SLC8A1: variants seen among roughly 807,000 people sequenced by gnomAD.
The protein encoded by SLC8A1 is sodium/calcium exchanger 1.
In SLC8A1, 18 loss-of-function variants were observed where a neutral mutation model predicts 68.3. That is an observed-to-expected ratio of 0.26 (90% confidence interval 0.18 to 0.39). The LOEUF is 0.39. Among genes scored for constraint, SLC8A1 ranks in the 10% least tolerant of loss-of-function variants. The probability of loss-of-function intolerance (pLI) is 1.00; values close to 1 mark genes in which losing one functional copy is unlikely to be tolerated. For missense variants in SLC8A1, 985 were observed against 1,156.7 expected (o/e 0.85, Z 2.15); for synonymous variants, 475 against 415.5 (o/e 1.14, Z -1.74).
chr2:40,476,611 C>A (rs1364711253), intron 1 of SLC8A1, among the ~76,000 whole-genome samples: 1 of 152,074 alleles, frequency 6.6e-6, no homozygotes, highest in Non-Finnish European at 1.5e-5. Context: ...TTAGTCTGGG[C>A]AGAGGTCATG....
At chr2:40,430,902 C>T (rs1698135411) in intron 1 of SLC8A1, among the ~76,000 whole-genome samples, 1 of 152,128 alleles carries the variant, frequency 6.6e-6, no homozygotes, top group South Asian at 2.1e-4. Context: ...TCCTATTGCT[C>T]CACACTTACT....
chr2:40,185,272 C>T (rs1452395636), intron 2 of SLC8A1, among the ~76,000 whole-genome samples: 1 of 152,178 alleles, frequency 6.6e-6, no homozygotes, highest in Non-Finnish European at 1.5e-5. Flanking sequence ...AACATGTATT[C>T]ACACAAAAAC....
chr2:40,312,928 A>C (rs1272446988), intron 2 of SLC8A1, among the ~76,000 whole-genome samples: 3 of 152,082 alleles, frequency 2.0e-5, no homozygotes, highest in African/African-American at 7.2e-5. Flanking sequence ...CAATGCGATA[A>C]ATCTAATGGG....
chr2:40,152,954 A>G (rs1005795584), intron 6 of SLC8A1, among the ~76,000 whole-genome samples: 4 of 152,118 alleles, frequency 2.6e-5, no homozygotes, highest in Admixed American at 2.6e-4. Flanking sequence ...AGCCTGGGCA[A>G]TGGAGGAGAC....
At chr2:40,473,118 T>A (rs1337133253) in intron 1 of SLC8A1, among the ~76,000 whole-genome samples, 1 of 152,042 alleles carries the variant, frequency 6.6e-6, no homozygotes, top group African/African-American at 2.4e-5. Flanking sequence ...GAGTATAGTG[T>A]TCCCTGGCTG....
intron 1 of SLC8A1, among the ~76,000 whole-genome samples, chr2:40,482,639 C>T (rs1031229991): frequency 5.9e-5 from 9 of 152,102 alleles, no homozygotes; most frequent in Non-Finnish European, 1.3e-4. Flanking sequence ...TGGTAAGTGG[C>T]AGAGTGGGGA....
intron 4 of SLC8A1, among the ~76,000 whole-genome samples, chr2:40,167,739 C>G (rs7607992): frequency 0.17 from 25,288 of 152,156 alleles, 2,422 homozygotes; most frequent in African/African-American, 0.26. Context: ...CAGGAAATAA[C>G]TCCCTATTGA....
chr2:40,478,055 T>C (rs1018204611), intron 1 of SLC8A1, among the ~76,000 whole-genome samples: 1 of 152,214 alleles, frequency 6.6e-6, no homozygotes, highest in Non-Finnish European at 1.5e-5. Flanking sequence ...AAGTCAGTAA[T>C]ACAGTTTCTG....
intron 2 of SLC8A1, among the ~76,000 whole-genome samples, chr2:40,408,248 T>C (rs987752647): frequency 6.6e-6 from 1 of 152,208 alleles, no homozygotes; most frequent in African/African-American, 2.4e-5. Context: ...ATACGCCTGA[T>C]CTAAACTTAT....
Position 40,145,663 on chromosome 2 carries a change from C to T in SLC8A1, c.2162-5987G>A, listed in dbSNP as rs923837983. On this transcript the variant is annotated intron_variant, in intron 6 of 7. Transcript: ENST00000406785. ...AAGAATAAAAGATGAAAGACCTTAGCGATCAGCTAAGAAAAATAAAACAGA... is the reference window on the plus strand; with the variant it reads ...AAGAATAAAAGATGAAAGACCTTAGTGATCAGCTAAGAAAAATAAAACAGA... Among the ~76,000 whole-genome samples the T allele has an allele frequency of 3.0e-4, 45 of 152,152 alleles. 1 individual carries two copies. Among genetic ancestry groups the T allele is most frequent in the Non-Finnish European group, 7.4e-5 (5 of 68,018 alleles).
At chr2:40,423,029 T>C (rs1695932577) in intron 2 of SLC8A1, among the ~76,000 whole-genome samples, 1 of 152,134 alleles carries the variant, frequency 6.6e-6, no homozygotes, top group South Asian at 2.1e-4. Context: ...CCAAATTTTG[T>C]TTCTACACAT....
At chr2:40,138,531 C>T (rs2040951896) in intron 7 of SLC8A1, among the ~76,000 whole-genome samples, 1 of 152,150 alleles carries the variant, frequency 6.6e-6, no homozygotes, top group Admixed American at 6.6e-5. Flanking sequence ...CTAATTAGTG[C>T]TGGAGACTAG....
At chr2:40,240,377 GT>G (rs1484651791) in intron 2 of SLC8A1, among the ~76,000 whole-genome samples, 1 of 152,142 alleles carries the variant, frequency 6.6e-6, no homozygotes, top group Non-Finnish European at 1.5e-5. Flanking sequence ...GGATGTGATT[GT>G]TTTGGCTTCC....
At chr2:40,405,998 G>A (rs1225967072) in intron 2 of SLC8A1, among the ~76,000 whole-genome samples, 2 of 152,098 alleles carry the variant, frequency 1.3e-5, no homozygotes, top group Non-Finnish European at 1.5e-5. Context: ...TATGTAATAT[G>A]TCTTCCATCA....
At chr2:40,152,811 C>T (rs1641451) in intron 6 of SLC8A1, among the ~76,000 whole-genome samples, 141,899 of 151,912 alleles carry the variant, frequency 0.93, 66,865 homozygotes, top group Non-Finnish European at 1. Flanking sequence ...AATAATTACA[C>T]AGAAGCCAGG....
intron 2 of SLC8A1, among the ~76,000 whole-genome samples, chr2:40,231,969 T>C (rs1043812336): frequency 1.3e-5 from 2 of 151,978 alleles, no homozygotes; most frequent in African/African-American, 2.4e-5. Context: ...TGAGAGCAAA[T>C]AGGAATAAGA....
At chr2:40,486,973 T>C (rs187814606) in intron 1 of SLC8A1, among the ~76,000 whole-genome samples, 2 of 148,264 alleles carry the variant, frequency 1.3e-5, no homozygotes, top group South Asian at 2.1e-4. Context: ...GTCTCACTCA[T>C]AGGTGGGAAC....
At chr2:40,153,838 A>G (rs2043913409) in intron 6 of SLC8A1, among the ~76,000 whole-genome samples, 1 of 152,194 alleles carries the variant, frequency 6.6e-6, no homozygotes. Context: ...CCTACTTTCT[A>G]GGACTGATTC....
chr2:40,336,326 A>C (rs1277458915), intron 2 of SLC8A1, among the ~76,000 whole-genome samples: 1 of 152,222 alleles, frequency 6.6e-6, no homozygotes, highest in African/African-American at 2.4e-5. Flanking sequence ...CAAATGAGTA[A>C]ACAAATTAAT....
Sources: allele counts gnomAD v4.1 joint callset (sites outside exome capture counted in the v4.1 genomes callset), GRCh38; gene constraint gnomAD v4.1.1; transcripts MANE v1.5; gene names NCBI Gene and HGNC (gene_info 2026-07-23, HGNC 2026-07-21).